The following RPAP3 variants were observed in gnomAD, a reference collection of about 807,000 sequenced individuals.
The protein encoded by RPAP3 is RNA polymerase II-associated protein 3.
A neutral mutation model predicts 88.8 loss-of-function variants in RPAP3; 58 were observed. The observed-to-expected ratio is 0.65, with a 90% confidence interval of 0.53 to 0.81. RPAP3 has a LOEUF of 0.81. RPAP3 is among the 40% of genes least tolerant of loss of function. RPAP3 has a pLI of 0.00. For synonymous variants in RPAP3, 255 were observed against 259.9 expected, an observed-to-expected ratio of 0.98 and a Z score of 0.18; for missense variants, 751 against 764.3, an observed-to-expected ratio of 0.98 and a Z score of 0.20.
chr12:47,670,180 G>T lies in RPAP3; in HGVS notation c.1453C>A (p.Leu485Ile). 1 of 1,613,938 alleles carries T rather than the reference G, an allele frequency of 6.2e-7. No individual in the cohort carries two copies. Among genetic ancestry groups the T allele is most frequent in the Non-Finnish European group, 8.5e-7 (1 of 1,179,906 alleles). The change falls in exon 13 of 17, where the codon CTT (leucine) becomes ATT (isoleucine). Residue 485 changes from leucine (L) to isoleucine (I), a missense_variant. By Grantham distance (5) the Leu-to-Ile change is conservative (BLOSUM62 2). Transcript: ENST00000005386. ...TSKKNSSQDD[L>I]FPTSDTPRAK... ...CTTGGAGTATCACTTGTGGGAAAAA[G>T]GTCATCTTGGCTTGAATTCTTCTTA... is the stretch of plus-strand genomic sequence containing the variant.
At position 47,681,722 on chromosome 12, in the gene RPAP3, A is replaced by G. The variant is rs774203420; in HGVS notation, c.1088T>C (p.Leu363Ser). The change falls in exon 10 of 17, where the codon TTG (leucine) becomes TCG (serine). Residue 363 changes from leucine to serine, a missense_variant. Coordinates refer to ENST00000005386, the MANE Select transcript of RPAP3 (RefSeq NM_024604.3). Reference sequence around the variant, plus strand: ...TTGTTTTGCCTCATTTAGCTTTCCCAAAAATGTTCTTGCAGTTCCTCTTCT... The same window carrying G: ...TTGTTTTGCCTCATTTAGCTTTCCCGAAAATGTTCTTGCAGTTCCTCTTCT... ...FARRGTARTF[L>S]GKLNEAKQDF... 2.6e-5 allele frequency: 42 copies of G among 1,612,262 alleles called. No homozygotes were observed. The highest frequency in any genetic ancestry group is 3.3e-5 in the Non-Finnish European group (39 of 1,179,276).
chr12:47,693,769 T>C (rs998243947), intron 5 of RPAP3, among the ~76,000 whole-genome samples: 72 of 152,154 alleles, frequency 4.7e-4, no homozygotes, highest in African/African-American at 1.7e-3. Flanking sequence ...AATGATAAGA[T>C]GGTCCAAAAA....
chr12:47,702,559 A>G, intron 2 of RPAP3, 129 bp downstream of exon 2: 1 of 823,512 alleles, frequency 1.2e-6, no homozygotes. Context: ...TCACAAAAAA[A>G]AAGAAAAGAA....
chr12:47,666,497 T>G (rs1227959473), intron 16 of RPAP3, among the ~76,000 whole-genome samples: 1 of 152,200 alleles, frequency 6.6e-6, no homozygotes, highest in East Asian at 1.9e-4. Context: ...TCAAGGAAAT[T>G]ACCTCTCTCA....
intron 14 of RPAP3, 90 bp downstream of exon 14, chr12:47,668,826 T>C (rs896819670): frequency 1.0e-6 from 1 of 977,004 alleles, no homozygotes. Flanking sequence ...TAATATCCTA[T>C]AAAAAGCAAA....
chr12:47,699,414 T>C (rs1179663571), intron 3 of RPAP3: 1 of 151,590 alleles, frequency 6.6e-6, no homozygotes, highest in Admixed American at 6.6e-5. Flanking sequence ...TGAGAATAAA[T>C]TCTATTTTCA....
In RPAP3 at chr12:47,663,569, T is replaced by G. The variant is rs2136600496; in HGVS notation, c.1934A>C (p.His645Pro). ...ATCCTTCAATCCTGACTTGTCTATGTGATTAAATAATGCACGTGCAACTGA... is the reference window on the plus strand; with the variant it reads ...ATCCTTCAATCCTGACTTGTCTATGGGATTAAATAATGCACGTGCAACTGA... Reference protein sequence around the residue: ...EKKIARALFNHIDKSGLKDSS... With the variant: ...EKKIARALFNPIDKSGLKDSS... The change falls in exon 17 of 17, where the codon CAC (histidine) becomes CCC (proline). Residue 645 changes from histidine to proline, a missense_variant. Physicochemically the swap from His to Pro is moderately conservative, Grantham distance 77 (BLOSUM62 -2). Coordinates refer to ENST00000005386, the MANE Select transcript of RPAP3 (RefSeq NM_024604.3). 3 of 1,582,692 alleles carry G rather than the reference T, an allele frequency of 1.9e-6. No homozygotes were observed. In the South Asian group the frequency reaches 3.5e-5, roughly 19 times the overall value.
chr12:47,689,222 T>G, intron 6 of RPAP3, 27 bp from the exon 7 acceptor site: 1 of 959,938 alleles, frequency 1.0e-6, no homozygotes, highest in Non-Finnish European at 1.6e-6. Flanking sequence ...ATAAAAAAAA[T>G]TTTTAAAGAT....
rs2136608359 is a variant in RPAP3 at position 47,669,509 on chromosome 12, C to T, written c.1527-407G>A. Among the ~76,000 whole-genome samples the T allele has an allele frequency of 1.3e-5, 2 of 152,200 alleles. 1 individual carries two copies. Among genetic ancestry groups the T allele is most frequent in the South Asian group, 4.1e-4 (2 of 4,826 alleles). On this transcript the variant is annotated intron_variant, in intron 13 of 16. Transcript: ENST00000005386. ...TGCCTATATAGTATTGTCCCATGAT[C>T]TATACTATCACTTTAAATAAAAGTA... is the stretch of plus-strand genomic sequence containing the variant.
At position 47,661,513 on chromosome 12, in the gene RPAP3, G is replaced by A. The variant is rs1295473868; in HGVS notation, c.*1992C>T. 1 of 152,230 alleles carries A rather than the reference G, an allele frequency of 6.6e-6. No individual in the cohort carries two copies. The highest frequency in any genetic ancestry group is 2.4e-5 in the African/African-American group (1 of 41,452). The allele number at this position is 152,230 out of a possible 1,614,324, so 9.4% of individuals were successfully genotyped here. A position where few individuals can be genotyped will look rare whatever the true frequency, so the allele number is the denominator to read the frequency against. On this transcript the variant is annotated 3_prime_UTR_variant, in exon 17 of 17. Coordinates refer to ENST00000005386, the MANE Select transcript of RPAP3 (RefSeq NM_024604.3). The stretch of plus-strand genomic sequence containing the variant: ...TAACTTGTCCAAGGCCCTAAAGCCA[G>A]ATGGAGCCAGAATTCAAACTCAAGA...
At chr12:47,675,779 C>A (rs967396762) in intron 12 of RPAP3, among the ~76,000 whole-genome samples, 8 of 152,130 alleles carry the variant, frequency 5.3e-5, no homozygotes, top group African/African-American at 1.9e-4. Flanking sequence ...GACTTAGACT[C>A]CCAAACAATA....
intron 10 of RPAP3, among the ~76,000 whole-genome samples, chr12:47,680,433 T>C (rs1939200579): frequency 2.0e-5 from 3 of 151,976 alleles, no homozygotes; most frequent in African/African-American, 7.2e-5. Flanking sequence ...TATTGAAAAA[T>C]GGTTAAAATA....
chr12:47,702,817 G>T lies in RPAP3; in HGVS notation c.24C>A (p.Ile8=). The T allele has an allele frequency of 6.2e-7, 1 of 1,612,748 alleles. No individual in the cohort carries two copies. The highest frequency in any genetic ancestry group is 8.5e-7 in the Non-Finnish European group (1 of 1,179,494). The change falls in exon 2 of 17, where the codon ATC becomes ATA. Residue 8 remains isoleucine, a synonymous_variant. Transcript: ENST00000005386. Reference sequence around the variant, plus strand: ...TTTGTTTCACTTGTAGTTGTAATTCGATTGCTTTATTTGCTGAAGTCATTA... The same window carrying T: ...TTTGTTTCACTTGTAGTTGTAATTCTATTGCTTTATTTGCTGAAGTCATTA... MTSANKA[I]ELQLQVKQNA...
In RPAP3 at chr12:47,667,055, C is replaced by A; in HGVS notation, c.1837G>T (p.Glu613Ter). The change falls in exon 16 of 17, where the codon GAA (glutamate) becomes TAA (stop). Residue 613 changes from glutamate to a stop codon, truncating the protein, a stop_gained. Transcript: ENST00000005386. LOFTEE classifies it high-confidence loss of function. ...IEKEKPLLIF[E>*]ILQRLSELKR... ...AGTTCAGAAAGTCTTTGTAAGATTT[C>A]AAAGATGAGTAATGGCTTTTCTTTC... 1 of 1,505,196 alleles carries A rather than the reference C, an allele frequency of 6.6e-7. No homozygotes were observed. Among genetic ancestry groups the A allele is most frequent in the South Asian group, 1.3e-5 (1 of 74,138 alleles). 93.2% of individuals were successfully genotyped at this position (1,505,196 alleles called of 1,614,324 possible).
At chr12:47,696,173 C>T (rs1939521797) in intron 5 of RPAP3, 103 bp downstream of exon 5, 2 of 968,586 alleles carry the variant, frequency 2.1e-6, no homozygotes, top group Non-Finnish European at 2.8e-6. Context: ...AAATGCAATA[C>T]ATTTTCAATC....
At chr12:47,694,452 A>AT (rs1415871378) in intron 5 of RPAP3, among the ~76,000 whole-genome samples, 3 of 152,200 alleles carry the variant, frequency 2.0e-5, no homozygotes, top group Non-Finnish European at 2.9e-5. Context: ...GCAGCAAACT[A>AT]TTTTTTTGAA....
chr12:47,661,298 A>C lies in RPAP3; in HGVS notation c.*2207T>G, dbSNP rs1239746407. On this transcript the variant is annotated 3_prime_UTR_variant, in exon 17 of 17. Transcript: ENST00000005386. The stretch of plus-strand genomic sequence containing the variant: ...TTAACCACTATGCTATTTTGCAATA[A>C]GGCAACAATATGACAGCCCCTAAAG... The C allele has an allele frequency of 6.6e-6, 1 of 152,214 alleles. No individual in the cohort carries two copies. The highest frequency in any genetic ancestry group is 1.5e-5 in the Non-Finnish European group (1 of 68,036). The allele number at this position is 152,214 out of a possible 1,614,324, so 9.4% of individuals were successfully genotyped here. A position where few individuals can be genotyped will look rare whatever the true frequency, so the allele number is the denominator to read the frequency against.
rs897075893 is a variant in RPAP3, at chr12:47,662,210, T to C, written c.*1295A>G. The C allele has an allele frequency of 3.3e-5, 5 of 152,120 alleles. No homozygotes were observed. Among genetic ancestry groups the C allele is most frequent in the African/African-American group, 9.7e-5 (4 of 41,406 alleles). The allele number at this position is 152,120 out of a possible 1,614,324, so 9.4% of individuals were successfully genotyped here. On this transcript the variant is annotated 3_prime_UTR_variant, in exon 17 of 17. Transcript: ENST00000005386. ...AGGGTTAGGATTTCAACATATGAAT[T>C]TGTGGGGGATATAAACATTCAGATC...
Position 47,702,817 on chromosome 12 carries a change from G to A in RPAP3, c.24C>T (p.Ile8=), listed in dbSNP as rs1490371116. 9.3e-6 allele frequency: 15 copies of A among 1,612,632 alleles called. No homozygotes were observed. The highest frequency in any genetic ancestry group is 2.7e-5 in the African/African-American group (2 of 74,788). ...TTTGTTTCACTTGTAGTTGTAATTC[G>A]ATTGCTTTATTTGCTGAAGTCATTA... The part of the protein sequence containing the change: MTSANKA[I]ELQLQVKQNA... The change falls in exon 2 of 17, where the codon ATC becomes ATT. Residue 8 remains isoleucine (I), a synonymous_variant. Coordinates refer to ENST00000005386, the MANE Select transcript of RPAP3 (RefSeq NM_024604.3).
Sources: gnomAD v4.1 joint callset for allele counts (sites outside exome capture counted in the v4.1 genomes callset) on GRCh38, gnomAD v4.1.1 for gene constraint, MANE v1.5 for transcripts, NCBI Gene and HGNC (gene_info 2026-07-23, HGNC 2026-07-21) for gene names.